The following CDKAL1 variants were observed in gnomAD, a reference collection of about 807,000 sequenced individuals.
CDKAL1 encodes the protein threonylcarbamoyladenosine tRNA methylthiotransferase.
In CDKAL1, 32 loss-of-function variants were observed where a neutral mutation model predicts 68.2. The ratio of observed to expected loss-of-function variants is 0.47; its 90% CI spans 0.35 to 0.63. The LOEUF (loss-of-function observed/expected upper bound fraction) is 0.63, where lower values mean the gene tolerates loss of function less well. Among genes scored for constraint, CDKAL1 ranks in the 30% least tolerant of loss-of-function variants. The pLI, the probability that CDKAL1 is intolerant of heterozygous loss-of-function variation, is 0.00. For missense variants in CDKAL1, 606 were observed against 696.7 expected, an observed-to-expected ratio of 0.87 and a Z score of 1.47; for synonymous variants, 234 against 244.3, an observed-to-expected ratio of 0.96 and a Z score of 0.39.
intron 13 of CDKAL1, among the ~76,000 whole-genome samples, chr6:21,134,339 T>C (rs1775474022): frequency 6.6e-6 from 1 of 152,190 alleles, no homozygotes; most frequent in African/African-American, 2.4e-5. Context: ...GGAAGGGGAT[T>C]TAAATTCTCC....
In CDKAL1 at chr6:21,186,326, G is replaced by C. The variant is rs1166652917; in HGVS notation, c.1300-11695G>C. 2.0e-5 allele frequency among the ~76,000 whole-genome samples: 3 copies of C among 152,164 alleles called. No individual in the cohort carries two copies. The East Asian group carries it at 5.8e-4, about 29-fold the overall frequency. On this transcript the variant is annotated intron_variant, in intron 13 of 15. Coordinates refer to ENST00000274695, the MANE Select transcript of CDKAL1 (RefSeq NM_017774.3). ...TCACATCTATGCTGAGTTCTTTGGG[G>C]AATGGGGGGGAATGTAAGATTTATC... is the stretch of plus-strand genomic sequence containing the variant.
chr6:20,863,533 C>A (rs948224090), intron 9 of CDKAL1, among the ~76,000 whole-genome samples: 9 of 152,188 alleles, frequency 5.9e-5, no homozygotes, highest in South Asian at 2.1e-4. Flanking sequence ...GAAACTTCAT[C>A]TTTTGCCTTA....
At chr6:20,767,153 G>C (rs1774738375) in intron 7 of CDKAL1, among the ~76,000 whole-genome samples, 1 of 151,996 alleles carries the variant, frequency 6.6e-6, no homozygotes, top group African/African-American at 2.4e-5. Flanking sequence ...TTCTTCATTA[G>C]AGAATGCACT....
Position 20,890,696 on chromosome 6 carries a change from C to G in CDKAL1, c.742+44518C>G, listed in dbSNP as rs184896129. On this transcript the variant is annotated intron_variant, in intron 9 of 15. Coordinates refer to ENST00000274695, the MANE Select transcript of CDKAL1 (RefSeq NM_017774.3). ...TTACCCTGGGGAGATTCTGCGTCAGCGGGTCTAAGATGCTGTCATACCATT... is the reference window on the plus strand; with the variant it reads ...TTACCCTGGGGAGATTCTGCGTCAGGGGGTCTAAGATGCTGTCATACCATT... 2.0e-5 allele frequency among the ~76,000 whole-genome samples: 3 copies of G among 152,142 alleles called. No homozygotes were observed. In the East Asian group the frequency reaches 5.8e-4, roughly 29 times the overall value.
intron 8 of CDKAL1, among the ~76,000 whole-genome samples, chr6:20,814,594 CT>C (rs1776965035): frequency 6.6e-6 from 1 of 152,206 alleles, no homozygotes. Context: ...TCTCTGATTG[CT>C]TTTAATGTTG....
chr6:20,916,459 A>C (rs965827611), intron 9 of CDKAL1, among the ~76,000 whole-genome samples: 1 of 152,226 alleles, frequency 6.6e-6, no homozygotes, highest in Non-Finnish European at 1.5e-5. Context: ...AGGTGGGCAG[A>C]AGGCAGAAGA....
At chr6:20,982,965 A>G (rs895195183) in intron 10 of CDKAL1, among the ~76,000 whole-genome samples, 4 of 152,216 alleles carry the variant, frequency 2.6e-5, no homozygotes, top group Non-Finnish European at 5.9e-5. Context: ...GTCTGATCCT[A>G]TAGCTTTGGA....
At chr6:21,198,473 A>AG (rs1211854267) in intron 14 of CDKAL1, among the ~76,000 whole-genome samples, 2 of 152,204 alleles carry the variant, frequency 1.3e-5, no homozygotes. Context: ...GCAGCATGAA[A>AG]GGGCAGGGAT....
At chr6:20,845,124 A>G (rs1176826620) in intron 8 of CDKAL1, among the ~76,000 whole-genome samples, 3 of 152,226 alleles carry the variant, frequency 2.0e-5, no homozygotes, top group African/African-American at 7.2e-5. Flanking sequence ...AAAATTACAC[A>G]TGGATCAGAT....
chr6:20,713,472 A>G (rs547038382), intron 5 of CDKAL1, among the ~76,000 whole-genome samples: 2 of 152,322 alleles, frequency 1.3e-5, no homozygotes, highest in Admixed American at 6.5e-5. Flanking sequence ...AGACATAGAC[A>G]TCATATTAGG....
chr6:20,910,956 G>A (rs997770191), intron 9 of CDKAL1, among the ~76,000 whole-genome samples: 1 of 152,214 alleles, frequency 6.6e-6, no homozygotes, highest in Non-Finnish European at 1.5e-5. Flanking sequence ...GCCTGGAAGA[G>A]ATTGTCTCTT....
intron 8 of CDKAL1, among the ~76,000 whole-genome samples, chr6:20,793,357 C>T (rs951459898): frequency 2.0e-5 from 3 of 152,060 alleles, no homozygotes; most frequent in South Asian, 2.1e-4. Context: ...TCAGTAGCGG[C>T]GTTGATGTTG....
intron 9 of CDKAL1, among the ~76,000 whole-genome samples, chr6:20,910,968 C>T (rs1000558517): frequency 2.2e-4 from 33 of 152,296 alleles, no homozygotes; most frequent in Middle Eastern, 3.4e-3. Flanking sequence ...TTGTCTCTTA[C>T]GGGCCATAGA....
intron 9 of CDKAL1, among the ~76,000 whole-genome samples, chr6:20,854,937 A>G (rs1759246355): frequency 6.6e-6 from 1 of 152,214 alleles, no homozygotes; most frequent in Admixed American, 6.5e-5. Flanking sequence ...ATAATCACAC[A>G]TGTGGTTTTT....
chr6:20,848,975 G>C (rs990717968), intron 9 of CDKAL1, among the ~76,000 whole-genome samples: 1 of 151,766 alleles, frequency 6.6e-6, no homozygotes, highest in Non-Finnish European at 1.5e-5. Flanking sequence ...AAATTTTTTA[G>C]AGAGAAAGAG....
At position 20,846,017 on chromosome 6, in the gene CDKAL1, G is replaced by A. The variant is rs527791959; in HGVS notation, c.639-58G>A. The stretch of plus-strand genomic sequence containing the variant: ...TGTGTATGTTTTGAGGTATCCCCAT[G>A]TTAAGTATATGCTATCTTTAGAAAT... On this transcript the variant is annotated intron_variant, in intron 8 of 15. Transcript: ENST00000274695. 9.4e-6 allele frequency: 10 copies of A among 1,062,186 alleles called. No individual in the cohort carries two copies. The East Asian group carries it at 2.2e-4, about 23-fold the overall frequency. The allele number at this position is 1,062,186 out of a possible 1,614,324, so 65.8% of individuals were successfully genotyped here.
intron 9 of CDKAL1, among the ~76,000 whole-genome samples, chr6:20,896,621 G>T (rs1761706610): frequency 6.6e-6 from 1 of 151,852 alleles, no homozygotes; most frequent in Non-Finnish European, 1.5e-5. Context: ...GAGTTTTTTG[G>T]CTTAGAAATA....
chr6:20,698,112 T>C (rs943827213), intron 5 of CDKAL1, among the ~76,000 whole-genome samples: 2 of 152,226 alleles, frequency 1.3e-5, no homozygotes, highest in African/African-American at 4.8e-5. Context: ...TGTATTCACA[T>C]TGACTTTGTC....
intron 11 of CDKAL1, 72 bp downstream of exon 11, chr6:21,000,444 A>T: frequency 7.6e-7 from 1 of 1,311,706 alleles, no homozygotes; most frequent in Non-Finnish European, 1.1e-6. Flanking sequence ...AAATGCACTT[A>T]TTGCAGCCTT....
Sources: allele counts gnomAD v4.1 joint callset (sites outside exome capture counted in the v4.1 genomes callset), GRCh38; gene constraint gnomAD v4.1.1; transcripts MANE v1.5; gene names NCBI Gene and HGNC (gene_info 2026-07-23, HGNC 2026-07-21).